Variants in CDK10 observed in about 807,000 individuals in gnomAD.
CDK10 encodes cyclin-dependent kinase 10.
Under a neutral mutation model 51.0 loss-of-function variants are expected in CDK10, and 55 were observed. That is an observed-to-expected ratio of 1.08 (90% CI 0.87 to 1.35). The LOEUF (loss-of-function observed/expected upper bound fraction) is 1.35. CDK10 is among the 40% of genes most tolerant of loss of function. The probability of loss-of-function intolerance (pLI) is 0.00; values close to 1 mark genes in which losing one functional copy is unlikely to be tolerated. For missense variants in CDK10, 589 were observed against 485.1 expected (o/e 1.21, Z -2.01); for synonymous variants, 255 against 199.1 (o/e 1.28, Z -2.36).
Position 89,691,864 on chromosome 16 carries a change from C to A in CDK10, c.394C>A (p.Pro132Thr), listed in dbSNP as rs1236644664. ...QDLASLLENMPTPFSEAQVKC... is the reference protein window; with the variant it reads ...QDLASLLENMTTPFSEAQVKC... ...CCTGGCCAGCCTCCTGGAGAATATG[C>A]CAACACCCTTCTCGGAGGCTCAGGT... The change falls in exon 5 of 13, where the codon CCA (proline) becomes ACA (threonine). Residue 132 changes from proline (P) to threonine (T), a missense_variant. Physicochemically the swap from Pro to Thr is conservative, Grantham distance 38 (BLOSUM62 -1). Transcript: ENST00000353379. 1 of 1,613,988 alleles carries A rather than the reference C, an allele frequency of 6.2e-7. No individual in the cohort carries two copies. The highest frequency in any genetic ancestry group is 8.5e-7 in the Non-Finnish European group (1 of 1,179,958).
Position 89,693,822 on chromosome 16 carries a change from CA to C in CDK10, c.609-348del, listed in dbSNP as rs1268809634. The C allele has an allele frequency of 1.1e-5, 6 of 542,558 alleles. No individual in the cohort carries two copies. The Admixed American group carries it at 1.3e-4, about 12-fold the overall frequency. The allele number at this position is 542,558 out of a possible 1,614,324, so 33.6% of individuals were successfully genotyped here. On this transcript the variant is annotated intron_variant, in intron 8 of 12. Coordinates refer to ENST00000353379, the MANE Select transcript of CDK10 (RefSeq NM_052988.5). The stretch of plus-strand genomic sequence containing the variant: ...GTTCTTCCTCCTGGATACTTTTAAC[CA>C]AACAGGGTCATGCTTAGCCAGGGCT...
rs758922637 is a variant in CDK10, at chr16:89,695,651, C to T, written c.1042C>T (p.Pro348Ser). 1.9e-5 allele frequency: 30 copies of T among 1,604,038 alleles called. 1 individual carries two copies. The Admixed American group carries it at 4.9e-4, about 26-fold the overall frequency. The change falls in exon 13 of 13, where the codon CCA becomes TCA. Residue 348 changes from proline (P) to serine (S), a missense_variant. Physicochemically the swap from Pro to Ser is moderately conservative, Grantham distance 74. Coordinates refer to ENST00000353379, the MANE Select transcript of CDK10 (RefSeq NM_052988.5). Reference protein sequence around the residue: ...FPHHRNKRAAPATSEGQSKRC... With the variant: ...FPHHRNKRAASATSEGQSKRC... ...CCACCACCGCAACAAGCGGGCCGCC[C>T]CAGCCACCTCCGAGGGCCAGAGCAA... is the stretch of plus-strand genomic sequence containing the variant.
chr16:89,691,570 T>C (rs570732324), intron 4 of CDK10, 25 bp downstream of exon 4: 12 of 1,582,964 alleles, frequency 7.6e-6, no homozygotes, highest in Admixed American at 1.7e-5. Flanking sequence ...GGTCTGCACA[T>C]TGGGCCCTAG....
chr16:89,694,363 C>A, intron 9 of CDK10, 131 bp downstream of exon 9: 1 of 1,023,240 alleles, frequency 9.8e-7, no homozygotes, highest in Non-Finnish European at 1.5e-6. Flanking sequence ...CTCCCACTCC[C>A]AGGGAGGTGG....
chr16:89,687,875 G>A lies in CDK10; in HGVS notation c.87+1078G>A, dbSNP rs2060268960. The A allele has an allele frequency of 2.7e-5, 9 of 333,954 alleles. No individual in the cohort carries two copies. In the Admixed American group the frequency reaches 3.5e-4, roughly 13 times the overall value. 20.7% of individuals were successfully genotyped at this position (333,954 alleles called of 1,614,324 possible). On this transcript the variant is annotated intron_variant, in intron 1 of 12. Transcript: ENST00000353379. ...GAGACTAGGCCATCAGTGAGTGACA[G>A]GCCAGATGCTTCTGACTCGGTCCCC... is the stretch of plus-strand genomic sequence containing the variant.
chr16:89,689,661 G>T (rs58374338), intron 2 of CDK10: 33,554 of 257,758 alleles, frequency 0.13, 2,692 homozygotes, highest in East Asian at 0.28. Context: ...AACTCTGGAG[G>T]AGTCACCTGA....
chr16:89,687,277 G>C (rs1382677774), intron 1 of CDK10: 1 of 335,576 alleles, frequency 3.0e-6, no homozygotes, highest in Non-Finnish European at 6.0e-6. Flanking sequence ...GGAGGTGCCG[G>C]TGCCTCCCTC....
chr16:89,693,770 G>A (rs2060564530), intron 8 of CDK10: 1 of 553,374 alleles, frequency 1.8e-6, no homozygotes, highest in Admixed American at 3.2e-5. Context: ...ACGGACTGAA[G>A]GACAGGCAGC....
Position 89,695,781 on chromosome 16 carries a change from C to G in CDK10, c.*89C>G. The G allele has an allele frequency of 1.9e-6, 3 of 1,577,496 alleles. No individual in the cohort carries two copies. Among genetic ancestry groups the G allele is most frequent in the Non-Finnish European group, 2.6e-6 (3 of 1,164,922 alleles). ...GGTGCCGCGAGCCAGGCTGACCAGGCGCCCGGGATCCAGCTCATCCCCTTG... is the reference window on the plus strand; with the variant it reads ...GGTGCCGCGAGCCAGGCTGACCAGGGGCCCGGGATCCAGCTCATCCCCTTG... On this transcript the variant is annotated 3_prime_UTR_variant, in exon 13 of 13. Coordinates refer to ENST00000353379, the MANE Select transcript of CDK10 (RefSeq NM_052988.5).
chr16:89,688,988 T>C (rs2060323287), intron 1 of CDK10, among the ~76,000 whole-genome samples: 1 of 152,078 alleles, frequency 6.6e-6, no homozygotes, highest in Non-Finnish European at 1.5e-5. Context: ...TAATCCCAGC[T>C]ACTCAGGAGG....
At chr16:89,692,652 T>C in intron 6 of CDK10, 136 bp downstream of exon 6, 1 of 554,670 alleles carries the variant, frequency 1.8e-6, no homozygotes, top group South Asian at 2.9e-5. Flanking sequence ...TTTGTGTTTT[T>C]TTCTAAAATA....
At chr16:89,693,099 C>G (rs772612038) in intron 6 of CDK10, among the ~76,000 whole-genome samples, 175 bp from the exon 7 acceptor site, 1 of 150,518 alleles carries the variant, frequency 6.6e-6, no homozygotes, top group Non-Finnish European at 1.5e-5. Flanking sequence ...GATTGCTCCA[C>G]TGCACTCCAG....
chr16:89,695,558 C>A, intron 12 of CDK10, 37 bp from the exon 13 acceptor site: 1 of 1,575,400 alleles, frequency 6.3e-7, no homozygotes, highest in Non-Finnish European at 8.6e-7. Flanking sequence ...CTATCTGGGG[C>A]CCTGCCCCGC....
Position 89,694,724 on chromosome 16 carries a change from C to T in CDK10, c.728C>T (p.Ser243Phe), listed in dbSNP as rs1266512539. The T allele has an allele frequency of 6.3e-7, 1 of 1,581,708 alleles. No individual in the cohort carries two copies. Among genetic ancestry groups the T allele is most frequent in the Non-Finnish European group, 8.6e-7 (1 of 1,164,446 alleles). ...LAHRPLLPGTSEIHQIDLIVQ... is the reference protein window; with the variant it reads ...LAHRPLLPGTFEIHQIDLIVQ... ...CACAGGCCTCTTCTCCCCGGCACTT[C>T]CGAGATCCACCAGATCGACTTGATC... Residue 243 changes from serine to phenylalanine, a missense_variant, in exon 10 of 13, where the codon TCC (serine) becomes TTC (phenylalanine). Transcript: ENST00000353379.
At chr16:89,689,119 C>T (rs948991021) in intron 1 of CDK10, 133 bp from the exon 2 acceptor site, 5 of 756,364 alleles carry the variant, frequency 6.6e-6, no homozygotes, top group Non-Finnish European at 1.1e-5. Context: ...AAAAAAAAGC[C>T]CAAACGTGTG....
intron 5 of CDK10, chr16:89,692,140 G>A (rs1410775747): frequency 3.4e-6 from 2 of 581,270 alleles, no homozygotes. Flanking sequence ...CAGCCCCGGG[G>A]CTGAGAGCCT....
chr16:89,694,095 C>A, intron 8 of CDK10, 78 bp from the exon 9 acceptor site: 1 of 1,442,824 alleles, frequency 6.9e-7, no homozygotes, highest in South Asian at 1.1e-5. Flanking sequence ...CACAGGCTCT[C>A]GGGGAGGCTG....
intron 1 of CDK10, chr16:89,687,546 G>A (rs1172849828): frequency 2.2e-6 from 1 of 455,378 alleles, no homozygotes; most frequent in Non-Finnish European, 4.4e-6. Context: ...CTGGGGTGAA[G>A]TAGTGAGTTG....
At chr16:89,688,411 G>A (rs1288321878) in intron 1 of CDK10, among the ~76,000 whole-genome samples, 3 of 152,086 alleles carry the variant, frequency 2.0e-5, no homozygotes, top group Non-Finnish European at 2.9e-5. Context: ...CATGGAGAAG[G>A]ATACAGACTC....
Sources: gnomAD v4.1 joint callset for allele counts (sites outside exome capture counted in the v4.1 genomes callset) on GRCh38, gnomAD v4.1.1 for gene constraint, MANE v1.5 for transcripts, NCBI Gene and HGNC (gene_info 2026-07-23, HGNC 2026-07-21) for gene names.